Variants in PREP observed in about 807,000 individuals in gnomAD.
The protein encoded by PREP is dJ355L5.1 (prolyl endopeptidase).
Under a neutral mutation model 87.6 loss-of-function variants are expected in PREP, and 29 were observed. The ratio of observed to expected loss-of-function variants is 0.33; its 90% CI spans 0.25 to 0.45. PREP has a LOEUF of 0.45. Ranked by LOEUF, PREP falls within the 20% of genes least tolerant of loss-of-function variation. The probability of loss-of-function intolerance (pLI) is 1.00; values close to 1 mark genes in which losing one functional copy is unlikely to be tolerated. For missense variants in PREP, 695 were observed against 886.5 expected (o/e 0.78, Z 2.74); for synonymous variants, 337 against 328.6 (o/e 1.03, Z -0.28).
intron 10 of PREP, among the ~76,000 whole-genome samples, chr6:105,319,620 A>AT (rs1477022959): frequency 6.6e-5 from 10 of 152,216 alleles, no homozygotes; most frequent in Non-Finnish European, 1.3e-4. Flanking sequence ...ATTTTCTTGA[A>AT]TTTACTGTAA....
chr6:105,323,608 C>T, intron 10 of PREP, 57 bp downstream of exon 10: 1 of 1,457,190 alleles, frequency 6.9e-7, no homozygotes, highest in South Asian at 1.1e-5. Context: ...TGTGAATGGC[C>T]CAGCCTGAAA....
At chr6:105,299,629 C>T (rs1335843581) in intron 10 of PREP, among the ~76,000 whole-genome samples, 1 of 152,182 alleles carries the variant, frequency 6.6e-6, no homozygotes, top group Non-Finnish European at 1.5e-5. Context: ...GCAACACTGC[C>T]AGCTTATGGC....
chr6:105,357,541 TA>T (rs1351834451), intron 6 of PREP, among the ~76,000 whole-genome samples: 1 of 152,214 alleles, frequency 6.6e-6, no homozygotes, highest in East Asian at 1.9e-4. Flanking sequence ...CCATAGCCAC[TA>T]AAATTTGCTA....
chr6:105,328,249 T>C (rs1192651795), intron 9 of PREP, among the ~76,000 whole-genome samples: 1 of 151,928 alleles, frequency 6.6e-6, no homozygotes, highest in Non-Finnish European at 1.5e-5. Flanking sequence ...AAATGTTGTA[T>C]TCATTGGTAC....
Position 105,323,471 on chromosome 6 carries a change from A to G in PREP, c.1317+194T>C, listed in dbSNP as rs192737435. Among the ~76,000 whole-genome samples the G allele has an allele frequency of 2.5e-3, 388 of 152,254 alleles. 3 individuals are homozygous for G. The highest frequency in any genetic ancestry group is 5.6e-4 in the Non-Finnish European group (38 of 68,024). On this transcript the variant is annotated intron_variant, in intron 10 of 14. Transcript: ENST00000652536. Reference sequence around the variant, plus strand: ...GCCATAGGAGCAGAACCTGCAGGCTATGGGAGGGCAGCGACTATGCCAGCT... The same window carrying G: ...GCCATAGGAGCAGAACCTGCAGGCTGTGGGAGGGCAGCGACTATGCCAGCT...
chr6:105,369,321 A>C (rs1772476763), intron 5 of PREP, among the ~76,000 whole-genome samples: 1 of 152,258 alleles, frequency 6.6e-6, no homozygotes, highest in Admixed American at 6.5e-5. Context: ...GAAGAACTAA[A>C]TAAATGAAGA....
chr6:105,341,987 C>G (rs1190962948), intron 7 of PREP, among the ~76,000 whole-genome samples: 1 of 152,212 alleles, frequency 6.6e-6, no homozygotes, highest in East Asian at 1.9e-4. Flanking sequence ...CCTTCTGAAA[C>G]TATTCCAATC....
At chr6:105,371,755 T>C (rs968940600) in intron 5 of PREP, among the ~76,000 whole-genome samples, 16 of 152,138 alleles carry the variant, frequency 1.1e-4, no homozygotes, top group African/African-American at 2.4e-4. Flanking sequence ...ATGGTAGGAA[T>C]TGCTTAGCTT....
chr6:105,382,221 C>T (rs1772861158), intron 2 of PREP, among the ~76,000 whole-genome samples: 3 of 150,190 alleles, frequency 2.0e-5, no homozygotes, highest in South Asian at 4.2e-4. Flanking sequence ...ATCTATTGTA[C>T]AACATGGTAA....
intron 6 of PREP, among the ~76,000 whole-genome samples, chr6:105,358,097 CCTT>C: frequency 1.3e-5 from 2 of 151,938 alleles, no homozygotes; most frequent in South Asian, 4.2e-4. Context: ...TTCATGGCTT[CCTT>C]CTATTTTAAA....
At chr6:105,312,886 C>T (rs1010580550) in intron 10 of PREP, among the ~76,000 whole-genome samples, 2 of 152,036 alleles carry the variant, frequency 1.3e-5, no homozygotes, top group Non-Finnish European at 2.9e-5. Flanking sequence ...GGCACTGGGG[C>T]GCGGCTGTAT....
chr6:105,323,039 G>A (rs1356072286), intron 10 of PREP: 1 of 1,303,956 alleles, frequency 7.7e-7, no homozygotes, highest in Admixed American at 2.3e-5. Flanking sequence ...CATTGCAAAG[G>A]AACAGAGACA....
chr6:105,330,235 AC>A (rs1182399082), intron 8 of PREP, among the ~76,000 whole-genome samples: 3 of 152,234 alleles, frequency 2.0e-5, no homozygotes, highest in Non-Finnish European at 4.4e-5. Context: ...TAAAGGATGC[AC>A]GTGTCTAACA....
chr6:105,397,417 C>T (rs1158722560), intron 2 of PREP, among the ~76,000 whole-genome samples: 4 of 152,102 alleles, frequency 2.6e-5, no homozygotes, highest in Non-Finnish European at 5.9e-5. Flanking sequence ...GTTGTGTTGA[C>T]ATCAATAAGC....
chr6:105,319,459 G>A (rs1770949648), intron 10 of PREP, among the ~76,000 whole-genome samples: 1 of 152,094 alleles, frequency 6.6e-6, no homozygotes. Flanking sequence ...ATCTCTAGCT[G>A]GCTGAACAAT....
chr6:105,279,469 A>G (rs1277226719), intron 14 of PREP, among the ~76,000 whole-genome samples: 1 of 152,234 alleles, frequency 6.6e-6, no homozygotes, highest in Non-Finnish European at 1.5e-5. Flanking sequence ...AATAATAACA[A>G]TCTCCCCCTT....
intron 8 of PREP, among the ~76,000 whole-genome samples, chr6:105,333,000 T>A (rs1311391921): frequency 6.6e-6 from 1 of 152,230 alleles, no homozygotes; most frequent in African/African-American, 2.4e-5. Flanking sequence ...AAATTAAATG[T>A]TCATGATTAT....
At chr6:105,302,280 G>A (rs1001254221) in intron 10 of PREP, among the ~76,000 whole-genome samples, 3 of 152,238 alleles carry the variant, frequency 2.0e-5, no homozygotes, top group Non-Finnish European at 1.5e-5. Context: ...GGCATATGCT[G>A]TGTGTTTTGC....
intron 9 of PREP, among the ~76,000 whole-genome samples, chr6:105,324,356 G>C (rs1303778480): frequency 6.6e-6 from 1 of 152,176 alleles, no homozygotes; most frequent in Non-Finnish European, 1.5e-5. Context: ...TTCCAATTTG[G>C]ATTGTCCCAG....
Sources: allele counts gnomAD v4.1 joint callset (sites outside exome capture counted in the v4.1 genomes callset), GRCh38; gene constraint gnomAD v4.1.1; transcripts MANE v1.5; gene names NCBI Gene and HGNC (gene_info 2026-07-23, HGNC 2026-07-21).